Variants in LINGO2 observed in about 807,000 individuals in gnomAD.
LINGO2 encodes leucine-rich repeat and immunoglobulin-like domain-containing nogo receptor-interacting protein 2.
Under a neutral mutation model 30.6 loss-of-function variants are expected in LINGO2, and 14 were observed. That is an observed-to-expected ratio of 0.46 (90% CI 0.30 to 0.72). The LOEUF (loss-of-function observed/expected upper bound fraction) is 0.72. LINGO2 is among the 30% of genes least tolerant of loss of function. LINGO2 has a pLI of 0.07. For missense variants in LINGO2, 729 were observed against 751.7 expected, an observed-to-expected ratio of 0.97 and a Z score of 0.35; for synonymous variants, 317 against 288.5, an observed-to-expected ratio of 1.10 and a Z score of -1.00.
intron 4 of LINGO2, among the ~76,000 whole-genome samples, chr9:28,069,584 C>G (rs1345269151): frequency 6.6e-6 from 1 of 152,176 alleles, no homozygotes; most frequent in Admixed American, 6.6e-5. Flanking sequence ...GATATTCCTT[C>G]CGAATGCCTT....
At chr9:28,498,451 C>G (rs1053315786) in intron 1 of LINGO2, among the ~76,000 whole-genome samples, 13 of 152,218 alleles carry the variant, frequency 8.5e-5, no homozygotes, top group African/African-American at 2.9e-4. Flanking sequence ...ATGGGTCCCT[C>G]TGAGCCAGGC....
At chr9:28,186,793 G>A (rs745444656) in intron 4 of LINGO2, among the ~76,000 whole-genome samples, 2 of 152,150 alleles carry the variant, frequency 1.3e-5, no homozygotes, top group Non-Finnish European at 2.9e-5. Context: ...TAGCATATTT[G>A]ACAAGCAGCA....
At chr9:28,261,473 C>T (rs1822561299) in intron 4 of LINGO2, among the ~76,000 whole-genome samples, 1 of 151,918 alleles carries the variant, frequency 6.6e-6, no homozygotes, top group African/African-American at 2.4e-5. Context: ...ACATAGGAGA[C>T]TTTTATGCAC....
At chr9:27,985,361 C>T (rs1821075783) in intron 5 of LINGO2, among the ~76,000 whole-genome samples, 1 of 151,900 alleles carries the variant, frequency 6.6e-6, no homozygotes, top group Non-Finnish European at 1.5e-5. Context: ...TTACAGTATA[C>T]ATCCAACATA....
chr9:28,609,762 T>C (rs560962700), intron 1 of LINGO2, among the ~76,000 whole-genome samples: 5 of 152,222 alleles, frequency 3.3e-5, no homozygotes, highest in African/African-American at 1.2e-4. Flanking sequence ...CATAGATAGT[T>C]ATCTTAAAAT....
At chr9:29,131,903 C>T in the LINGO2 span, among the ~76,000 whole-genome samples, 2 of 151,188 alleles carry the variant, frequency 1.3e-5, no homozygotes, top group Admixed American at 1.3e-4. Flanking sequence ...CTGTACTAAT[C>T]CTGAGACATC....
At chr9:28,441,664 C>A (rs972513766) in intron 2 of LINGO2, among the ~76,000 whole-genome samples, 4 of 152,118 alleles carry the variant, frequency 2.6e-5, no homozygotes, top group Non-Finnish European at 5.9e-5. Flanking sequence ...TCTTTTACAT[C>A]ATGCATTTAT....
intron 3 of LINGO2, among the ~76,000 whole-genome samples, chr9:28,311,221 C>G (rs1034073231): frequency 2.0e-5 from 3 of 152,102 alleles, no homozygotes; most frequent in African/African-American, 7.2e-5. Flanking sequence ...ACAGAGATCA[C>G]ATGCTTCACA....
chr9:28,911,017 T>C, the LINGO2 span, among the ~76,000 whole-genome samples: 1 of 151,988 alleles, frequency 6.6e-6, no homozygotes, highest in Non-Finnish European at 1.5e-5. Context: ...AGAAATTAAG[T>C]CTGTTTTTGT....
the LINGO2 span, among the ~76,000 whole-genome samples, chr9:28,811,455 G>A: frequency 2.6e-5 from 4 of 151,956 alleles, no homozygotes; most frequent in African/African-American, 4.8e-5. Flanking sequence ...TAAAATTATC[G>A]AATATCTTCT....
intron 4 of LINGO2, among the ~76,000 whole-genome samples, chr9:28,131,134 A>G (rs1174354507): frequency 6.6e-6 from 1 of 151,776 alleles, no homozygotes; most frequent in African/African-American, 2.4e-5. Context: ...CCTGAGAGTG[A>G]TATGAGGGAA....
At chr9:28,659,940 G>A (rs1157757163) in intron 1 of LINGO2, among the ~76,000 whole-genome samples, 1 of 152,068 alleles carries the variant, frequency 6.6e-6, no homozygotes, top group Non-Finnish European at 1.5e-5. Flanking sequence ...TAATTACAAA[G>A]GGACATCTTA....
At chr9:28,938,920 C>T in the LINGO2 span, among the ~76,000 whole-genome samples, 6 of 152,082 alleles carry the variant, frequency 3.9e-5, no homozygotes, top group South Asian at 1.0e-3. Flanking sequence ...AGAGCTCACA[C>T]GCAGAAATTG....
At chr9:28,055,234 C>T (rs921047896) in intron 4 of LINGO2, among the ~76,000 whole-genome samples, 4 of 152,048 alleles carry the variant, frequency 2.6e-5, no homozygotes, top group Non-Finnish European at 4.4e-5. Flanking sequence ...AAATAACTTA[C>T]GAATAAGGTA....
At chr9:28,121,729 T>G (rs1439087533) in intron 4 of LINGO2, among the ~76,000 whole-genome samples, 1 of 152,154 alleles carries the variant, frequency 6.6e-6, no homozygotes, top group African/African-American at 2.4e-5. Flanking sequence ...ATTGTTTTAC[T>G]TAAGGAAAAA....
At chr9:28,733,645 C>T in the LINGO2 span, among the ~76,000 whole-genome samples, 14 of 152,218 alleles carry the variant, frequency 9.2e-5, no homozygotes, top group African/African-American at 2.4e-4. Flanking sequence ...ACTAGGGTTG[C>T]GTTAACCAGT....
chr9:28,957,202 C>T, the LINGO2 span, among the ~76,000 whole-genome samples: 1 of 152,066 alleles, frequency 6.6e-6, no homozygotes, highest in Non-Finnish European at 1.5e-5. Context: ...TGAAGCACAC[C>T]CTGGGACGTA....
At chr9:29,145,415 T>A in the LINGO2 span, among the ~76,000 whole-genome samples, 5 of 148,172 alleles carry the variant, frequency 3.4e-5, no homozygotes, top group South Asian at 2.1e-4. Context: ...GCAGAAAAAA[T>A]TAGTGTTTTT....
the LINGO2 span, among the ~76,000 whole-genome samples, chr9:28,848,089 A>AGTGTGTATATATAG: frequency 1.1e-5 from 1 of 89,824 alleles, no homozygotes; most frequent in African/African-American, 5.4e-5. Context: ...TACACACTAT[A>AGTGTGTATATATAG]TATACGCATA....
Sources: allele counts gnomAD v4.1 joint callset (sites outside exome capture counted in the v4.1 genomes callset), GRCh38; gene constraint gnomAD v4.1.1; transcripts MANE v1.5; gene names NCBI Gene and HGNC (gene_info 2026-07-23, HGNC 2026-07-21).